ADAM10: variants seen among roughly 807,000 people sequenced by gnomAD.
The protein encoded by ADAM10 is ADAM metallopeptidase domain 10.
ADAM10 carries 17 observed loss-of-function variants against 90.1 expected under a neutral mutation model. The ratio of observed to expected loss-of-function variants is 0.19; its 90% CI spans 0.13 to 0.28. The LOEUF (loss-of-function observed/expected upper bound fraction) is 0.28. Among genes scored for constraint, ADAM10 ranks in the 10% least tolerant of loss-of-function variants. The pLI is 1.00. For missense variants in ADAM10, 610 were observed against 914.3 expected (o/e 0.67, Z 4.29); for synonymous variants, 310 against 298.6 (o/e 1.04, Z -0.40).
chr15:58,749,281 C>G (rs972162384), intron 1 of ADAM10, among the ~76,000 whole-genome samples, 199 bp downstream of exon 1: 34 of 152,280 alleles, frequency 2.2e-4, no homozygotes, highest in African/African-American at 8.2e-4. Context: ...GCTTGGGAGC[C>G]TCCTCGGCCC....
chr15:58,619,754 A>C (rs1373149441), intron 11 of ADAM10, among the ~76,000 whole-genome samples: 2 of 152,038 alleles, frequency 1.3e-5, no homozygotes, highest in Non-Finnish European at 2.9e-5. Context: ...AATACAAAAA[A>C]TTAGCCAGGC....
At chr15:58,625,291 T>A (rs182145486) in intron 10 of ADAM10, among the ~76,000 whole-genome samples, 2 of 152,096 alleles carry the variant, frequency 1.3e-5, no homozygotes, top group Admixed American at 6.5e-5. Context: ...TAAAGAATTC[T>A]CAATACTCCA....
chr15:58,647,520 T>C (rs189504667), intron 5 of ADAM10, among the ~76,000 whole-genome samples: 1,777 of 151,540 alleles, frequency 0.012, 16 homozygotes, highest in Non-Finnish European at 0.019. Flanking sequence ...CGCCTCGGCC[T>C]CCCAAAGTGC....
chr15:58,649,488 G>GA (rs1280014276), intron 5 of ADAM10, among the ~76,000 whole-genome samples: 7 of 152,002 alleles, frequency 4.6e-5, no homozygotes, highest in African/African-American at 1.7e-4. Context: ...TTTTCAACAG[G>GA]AAAAAAACTA....
chr15:58,679,397 C>T (rs1294402471), intron 3 of ADAM10, 115 bp from the exon 4 acceptor site: 17 of 841,976 alleles, frequency 2.0e-5, no homozygotes, highest in Non-Finnish European at 3.0e-5. Context: ...CATATATACA[C>T]ATATATATGG....
intron 1 of ADAM10, among the ~76,000 whole-genome samples, chr15:58,719,328 GA>G (rs376317340): frequency 0.012 from 1,778 of 144,686 alleles, 34 homozygotes; most frequent in African/African-American, 0.04. Context: ...CCGTCTCAAA[GA>G]AAAAAAAAAA....
At chr15:58,722,702 T>C (rs1055510490) in intron 1 of ADAM10, among the ~76,000 whole-genome samples, 5 of 151,422 alleles carry the variant, frequency 3.3e-5, no homozygotes, top group South Asian at 2.1e-4. Flanking sequence ...GAAACTGACA[T>C]TGAAAAGGCT....
At chr15:58,639,391 T>C (rs1896355125) in intron 8 of ADAM10, among the ~76,000 whole-genome samples, 2 of 152,196 alleles carry the variant, frequency 1.3e-5, no homozygotes, top group African/African-American at 4.8e-5. Context: ...AATATACAAA[T>C]AAAATCATAT....
intron 2 of ADAM10, 148 bp from the exon 3 acceptor site, chr15:58,682,462 CAT>C (rs1156515020): frequency 7.6e-7 from 1 of 1,317,286 alleles, no homozygotes; most frequent in African/African-American, 1.5e-5. Context: ...TTTTTAAAGA[CAT>C]ATTCTGCTCT....
chr15:58,749,362 G>T (rs1899902515), intron 1 of ADAM10, 118 bp downstream of exon 1: 1 of 1,192,662 alleles, frequency 8.4e-7, no homozygotes, highest in Non-Finnish European at 1.0e-6. Context: ...CCAGAGTGGC[G>T]CCGCTGGCCG....
At chr15:58,709,476 C>T (rs775605497) in intron 2 of ADAM10, among the ~76,000 whole-genome samples, 3 of 152,174 alleles carry the variant, frequency 2.0e-5, no homozygotes, top group Admixed American at 6.5e-5. Context: ...CGGTGACTCA[C>T]GCCTGTAATC....
chr15:58,647,776 C>T (rs1425746984), intron 5 of ADAM10, among the ~76,000 whole-genome samples: 1 of 152,134 alleles, frequency 6.6e-6, no homozygotes. Context: ...TGGTCATGAG[C>T]TCCTGGTCTC....
chr15:58,719,189 T>C (rs1284112286), intron 1 of ADAM10, among the ~76,000 whole-genome samples: 2 of 152,040 alleles, frequency 1.3e-5, no homozygotes, highest in Admixed American at 6.5e-5. Context: ...CTGGGTGTGG[T>C]GGTGGCTGCA....
intron 1 of ADAM10, among the ~76,000 whole-genome samples, chr15:58,744,757 C>T (rs1253056720): frequency 6.6e-6 from 1 of 152,228 alleles, no homozygotes; most frequent in East Asian, 1.9e-4. Context: ...CACCTGTAAT[C>T]CCAGCACTTT....
rs775471493 is a variant in ADAM10, at chr15:58,691,384, T to C, written c.207-9070A>G. The C allele has an allele frequency of 1.1e-5, 9 of 833,676 alleles. No homozygotes were observed. The African/African-American group carries it at 1.5e-4, about 14-fold the overall frequency. The allele number at this position is 833,676 out of a possible 1,614,324, so 51.6% of individuals were successfully genotyped here. The stretch of plus-strand genomic sequence containing the variant: ...ATATATATTACCTCGAAGCCCTTCT[T>C]CCACTCTTGCTCCACAAAAGCAGAG... On this transcript the variant is annotated intron_variant, in intron 2 of 15. Coordinates refer to ENST00000260408, the MANE Select transcript of ADAM10 (RefSeq NM_001110.4).
chr15:58,746,291 C>T (rs1189897488), intron 1 of ADAM10, among the ~76,000 whole-genome samples: 3 of 152,154 alleles, frequency 2.0e-5, no homozygotes, highest in Non-Finnish European at 4.4e-5. Flanking sequence ...TTGCCCCAAG[C>T]CCTACAACCC....
At chr15:58,703,352 G>A (rs1449933043) in intron 2 of ADAM10, among the ~76,000 whole-genome samples, 2 of 149,200 alleles carry the variant, frequency 1.3e-5, no homozygotes, top group Non-Finnish European at 1.5e-5. Flanking sequence ...CCACTTGTAG[G>A]TATATACCCA....
chr15:58,663,457 T>C (rs1338274211), intron 5 of ADAM10, among the ~76,000 whole-genome samples: 1 of 152,194 alleles, frequency 6.6e-6, no homozygotes, highest in Non-Finnish European at 1.5e-5. Context: ...CTCTCAATTA[T>C]TATAGCAAGT....
chr15:58,591,429 C>T lies in ADAM10; in HGVS notation c.*6118G>A, dbSNP rs1737230300. ...ATAGGAATTTGATTCACATTTAAAA[C>T]ACTTTTTTTTTTTCTTTGAGATGGA... is the stretch of plus-strand genomic sequence containing the variant. On this transcript the variant is annotated 3_prime_UTR_variant, in exon 16 of 16. Coordinates refer to ENST00000260408, the MANE Select transcript of ADAM10 (RefSeq NM_001110.4). The T allele has an allele frequency of 6.6e-6, 1 of 151,900 alleles. No homozygotes were observed. Among genetic ancestry groups the T allele is most frequent in the Non-Finnish European group, 1.5e-5 (1 of 67,952 alleles). 9.4% of individuals were successfully genotyped at this position (151,900 alleles called of 1,614,324 possible).
Sources: gnomAD v4.1 joint callset for allele counts (sites outside exome capture counted in the v4.1 genomes callset) on GRCh38, gnomAD v4.1.1 for gene constraint, MANE v1.5 for transcripts, NCBI Gene and HGNC (gene_info 2026-07-23, HGNC 2026-07-21) for gene names.